Variants in CEP63 observed in about 807,000 individuals in gnomAD.
CEP63 encodes centrosomal protein 63, also known as centrosomal protein of 63 kDa.
A neutral mutation model predicts 89.1 loss-of-function variants in CEP63; 84 were observed. The observed-to-expected ratio is 0.94, with a 90% CI of 0.79 to 1.13. The LOEUF (loss-of-function observed/expected upper bound fraction) is 1.13. Ranked by LOEUF, CEP63 falls within the 50% of genes most tolerant of loss-of-function variation. The probability of loss-of-function intolerance (pLI) is 0.00; values close to 1 mark genes in which losing one functional copy is unlikely to be tolerated. For missense variants in CEP63, 838 were observed against 813.3 expected (o/e 1.03, Z -0.37); for synonymous variants, 267 against 272.5 (o/e 0.98, Z 0.20).
the CEP63 span, among the ~76,000 whole-genome samples, chr3:134,594,410 G>A: frequency 2.6e-5 from 4 of 152,242 alleles, no homozygotes; most frequent in South Asian, 2.1e-4. Flanking sequence ...TGGCTGATTC[G>A]TTGTGTCACA....
the CEP63 span, among the ~76,000 whole-genome samples, chr3:134,733,041 A>G: frequency 6.6e-6 from 1 of 152,348 alleles, no homozygotes; most frequent in East Asian, 1.9e-4. Context: ...GCACAATGTT[A>G]TAGGAGAGAA....
intron 2 of CEP63, among the ~76,000 whole-genome samples, chr3:134,503,159 A>C (rs1304856294): frequency 7.0e-6 from 1 of 142,024 alleles, no homozygotes; most frequent in East Asian, 2.1e-4. Flanking sequence ...TATTGCTATA[A>C]ACACTCCTCT....
At chr3:134,685,582 TG>T in the CEP63 span, among the ~76,000 whole-genome samples, 2 of 138,032 alleles carry the variant, frequency 1.4e-5, no homozygotes, top group African/African-American at 5.4e-5. Flanking sequence ...TGTCCTGGTT[TG>T]GGGACAGAAG....
At chr3:134,668,058 G>A in the CEP63 span, among the ~76,000 whole-genome samples, 3,344 of 152,256 alleles carry the variant, frequency 0.022, 141 homozygotes, top group African/African-American at 0.076. Context: ...TTGGCTCCAG[G>A]TGTGGTGGCC....
chr3:134,543,147 G>A (rs901254413), intron 6 of CEP63, among the ~76,000 whole-genome samples: 7 of 152,094 alleles, frequency 4.6e-5, no homozygotes, highest in Non-Finnish European at 8.8e-5. Flanking sequence ...ACATTAAAAA[G>A]TAAAAAGGTG....
At chr3:134,715,534 T>G in the CEP63 span, among the ~76,000 whole-genome samples, 514 of 25,140 alleles carry the variant, frequency 0.02, 10 homozygotes, top group African/African-American at 0.059. Context: ...TTTTGTTTTT[T>G]TTTGTTTTTT....
the CEP63 span, among the ~76,000 whole-genome samples, chr3:134,595,452 T>C: frequency 6.6e-6 from 1 of 152,198 alleles, no homozygotes; most frequent in South Asian, 2.1e-4. Context: ...AACAGTCTCC[T>C]TCATTATTTT....
rs779231325 is a variant in CEP63 at position 134,552,010 on chromosome 3, G to A, written c.1465G>A (p.Glu489Lys). Residue 489 changes from glutamate (E) to lysine (K), a missense_variant and splice_region_variant, in exon 12 of 15, where the codon GAG becomes AAG. Glu to Lys is a moderately conservative substitution (Grantham distance 56). Transcript: ENST00000675561. ...GATGAAATTGGAATTGGGTTTACAT[G>A]AGGTACATAAATAGAAACTTAAGTT... Reference protein sequence around the residue: ...MVMKLELGLHEAKEISLADLQ... With the variant: ...MVMKLELGLHKAKEISLADLQ... 11 of 1,571,730 alleles carry A rather than the reference G, an allele frequency of 7.0e-6. No individual in the cohort carries two copies. Among genetic ancestry groups the A allele is most frequent in the Non-Finnish European group, 8.7e-6 (10 of 1,144,738 alleles).
At chr3:134,630,603 A>C in the CEP63 span, among the ~76,000 whole-genome samples, 1 of 152,234 alleles carries the variant, frequency 6.6e-6, no homozygotes. Flanking sequence ...GTGCATGCAT[A>C]GATCTCATCC....
At position 134,489,911 on chromosome 3, in the gene CEP63, A is replaced by G. The variant is rs185785276; in HGVS notation, c.-26+3709A>G. Among the ~76,000 whole-genome samples the G allele has an allele frequency of 5.9e-5, 9 of 152,252 alleles. 1 individual carries two copies. The East Asian group carries it at 9.7e-4, about 16-fold the overall frequency. Reference sequence around the variant, plus strand: ...ATGGCAGTTGTGTTTTTAATACTCAAATTGTTTCATCTTTGGCCAGTGGGA... The same window carrying G: ...ATGGCAGTTGTGTTTTTAATACTCAGATTGTTTCATCTTTGGCCAGTGGGA... On this transcript the variant is annotated intron_variant, in intron 1 of 14. Transcript: ENST00000675561.
the CEP63 span, among the ~76,000 whole-genome samples, chr3:134,713,199 C>T: frequency 6.6e-6 from 1 of 152,190 alleles, no homozygotes; most frequent in African/African-American, 2.4e-5. Flanking sequence ...AGCCATTCTC[C>T]CTCTTTCTTT....
At chr3:134,733,288 C>G in the CEP63 span, among the ~76,000 whole-genome samples, 1 of 151,660 alleles carries the variant, frequency 6.6e-6, no homozygotes, top group African/African-American at 2.4e-5. Context: ...TGCCAGCACA[C>G]ATACTTGGAA....
chr3:134,735,640 A>T, the CEP63 span, among the ~76,000 whole-genome samples: 1 of 152,158 alleles, frequency 6.6e-6, no homozygotes, highest in Non-Finnish European at 1.5e-5. Context: ...CACTTTGAAC[A>T]TGTTTACAAA....
chr3:134,515,471 A>G (rs1382029869), intron 3 of CEP63, among the ~76,000 whole-genome samples: 1 of 152,232 alleles, frequency 6.6e-6, no homozygotes, highest in African/African-American at 2.4e-5. Flanking sequence ...AATATATAAC[A>G]TGCAAACAGT....
the CEP63 span, among the ~76,000 whole-genome samples, chr3:134,773,851 T>C: frequency 6.6e-6 from 1 of 152,218 alleles, no homozygotes; most frequent in South Asian, 2.1e-4. Flanking sequence ...ATAGCCTTAC[T>C]GGAATCATCT....
At chr3:134,670,370 A>G in the CEP63 span, among the ~76,000 whole-genome samples, 1 of 152,154 alleles carries the variant, frequency 6.6e-6, no homozygotes, top group African/African-American at 2.4e-5. Flanking sequence ...TGATTTGATG[A>G]AAACACTTGA....
chr3:134,620,692 C>A, the CEP63 span: 1 of 1,220,546 alleles, frequency 8.2e-7, no homozygotes, highest in South Asian at 1.3e-5. Flanking sequence ...GGAGCAGAGG[C>A]CTGCAGGGAA....
At chr3:134,557,388 T>G (rs199657976) in intron 12 of CEP63, among the ~76,000 whole-genome samples, 38,543 of 136,974 alleles carry the variant, frequency 0.28, 6,933 homozygotes, top group East Asian at 0.59. Flanking sequence ...TTTTTTTTTT[T>G]TTTTTTTTTT....
intron 2 of CEP63, among the ~76,000 whole-genome samples, chr3:134,496,438 G>GC (rs921139063): frequency 2.7e-5 from 4 of 149,394 alleles, no homozygotes; most frequent in African/African-American, 4.9e-5. Flanking sequence ...AAAAGGGGGG[G>GC]GGGGCTAAAG....
Sources: gnomAD v4.1 joint callset for allele counts (sites outside exome capture counted in the v4.1 genomes callset) on GRCh38, gnomAD v4.1.1 for gene constraint, MANE v1.5 for transcripts, NCBI Gene and HGNC (gene_info 2026-07-23, HGNC 2026-07-21) for gene names.